Variants in DNAH11 observed in about 807,000 individuals in gnomAD.
DNAH11 encodes axonemal beta dynein heavy chain 11.
In DNAH11, 442 loss-of-function variants were observed where a neutral mutation model predicts 526.0. The ratio of observed to expected loss-of-function variants is 0.84; its 90% CI spans 0.78 to 0.91. The LOEUF is 0.91. DNAH11 is among the 40% of genes least tolerant of loss of function. DNAH11 has a pLI of 0.00. For synonymous variants in DNAH11, 2,461 were observed against 1,935.9 expected, an observed-to-expected ratio of 1.27 and a Z score of -7.12; for missense variants, 6,989 against 5,448.7, an observed-to-expected ratio of 1.28 and a Z score of -8.90.
chr7:21,704,676 G>T, intron 38 of DNAH11, 48 bp downstream of exon 38: 1 of 1,566,232 alleles, frequency 6.4e-7, no homozygotes, highest in East Asian at 2.3e-5. Flanking sequence ...ATTGTCAGTG[G>T]AAATAATTGT....
At chr7:21,892,714 C>G (rs368988510) in intron 77 of DNAH11, 47 bp downstream of exon 77, 13 of 1,519,992 alleles carry the variant, frequency 8.6e-6, no homozygotes, top group Middle Eastern at 3.7e-4. Context: ...GTATAACTTA[C>G]TTGTACTGAA....
intron 8 of DNAH11, among the ~76,000 whole-genome samples, chr7:21,575,161 G>A (rs1784041918): frequency 6.6e-6 from 1 of 152,138 alleles, no homozygotes; most frequent in Non-Finnish European, 1.5e-5. Context: ...ACAGGCATGA[G>A]CCACCATGCC....
rs72658836 is a variant in DNAH11, at chr7:21,901,101, C to T, written c.13398C>T (p.Pro4466=). ...CGGTCATCTTTGCAAAAGCCACCCC[C>T]GTGGACAGACAAGAAACCAAACAGA... ...PMPVIFAKAT[P]VDRQETKQTY... is the part of the protein sequence containing the mutation. Residue 4466 remains proline (P), a synonymous_variant, in exon 82 of 82, where the codon CCC becomes CCT. Transcript: ENST00000409508. The T allele has an allele frequency of 1.4e-4, 231 of 1,613,612 alleles. No homozygotes were observed. The Middle Eastern group carries it at 2.3e-3, about 16-fold the overall frequency.
intron 62 of DNAH11, among the ~76,000 whole-genome samples, chr7:21,804,457 T>G (rs535371639): frequency 2.0e-5 from 3 of 152,154 alleles, no homozygotes; most frequent in Admixed American, 2.0e-4. Context: ...TTTAACTAAT[T>G]CACCACAAGT....
intron 65 of DNAH11, among the ~76,000 whole-genome samples, chr7:21,829,442 G>A (rs1184685218): frequency 1.3e-5 from 2 of 152,088 alleles, no homozygotes; most frequent in Admixed American, 1.3e-4. Flanking sequence ...CAAACAGCAG[G>A]TTTTGCAAAT....
At chr7:21,789,419 A>ATGGTGCTGTCTGAGG in intron 61 of DNAH11, 77 bp downstream of exon 61, 2 of 902,424 alleles carry the variant, frequency 2.2e-6, no homozygotes, top group Non-Finnish European at 3.4e-6. Context: ...ACCCTCAGAC[A>ATGGTGCTGTCTGAGG]GCACCATATC....
rs531627617 is a variant in DNAH11, at chr7:21,835,641, A to T, written c.10692-6903A>T. Among the ~76,000 whole-genome samples, 46 of 152,320 alleles carry T rather than the reference A, an allele frequency of 3.0e-4. No homozygotes were observed. In the South Asian group the frequency reaches 4.3e-3, roughly 14 times the overall value. ...AAACAATAAAGGCCATATATGACAAACCCACAGCTAACATATTAAACAGGG... is the reference window on the plus strand; with the variant it reads ...AAACAATAAAGGCCATATATGACAATCCCACAGCTAACATATTAAACAGGG... On this transcript the variant is annotated intron_variant, in intron 65 of 81. Coordinates refer to ENST00000409508, the MANE Select transcript of DNAH11 (RefSeq NM_001277115.2).
chr7:21,894,279 A>G (rs1195250639), intron 77 of DNAH11, among the ~76,000 whole-genome samples: 1 of 152,240 alleles, frequency 6.6e-6, no homozygotes, highest in Admixed American at 6.5e-5. Flanking sequence ...TCCTCTGATC[A>G]TATCTTTACA....
At chr7:21,709,152 A>G (rs1784373566) in intron 40 of DNAH11, among the ~76,000 whole-genome samples, 1 of 152,200 alleles carries the variant, frequency 6.6e-6, no homozygotes, top group African/African-American at 2.4e-5. Context: ...CACTATTCAC[A>G]ATAGCAAAGA....
At chr7:21,824,578 T>A (rs1412078825) in intron 65 of DNAH11, among the ~76,000 whole-genome samples, 1 of 152,172 alleles carries the variant, frequency 6.6e-6, no homozygotes, top group Non-Finnish European at 1.5e-5. Context: ...TCCAAAGAAC[T>A]ACAAATAGTC....
intron 31 of DNAH11, among the ~76,000 whole-genome samples, chr7:21,682,335 G>C (rs1280011323): frequency 6.6e-6 from 1 of 151,936 alleles, no homozygotes; most frequent in East Asian, 1.9e-4. Context: ...GACCATCCTG[G>C]CTAACATGGT....
At position 21,610,710 on chromosome 7, in the gene DNAH11, G is replaced by GA. The variant is rs143156710; in HGVS notation, c.3852+3987dup. Among the ~76,000 whole-genome samples the GA allele has an allele frequency of 7.8e-3, 1,152 of 148,178 alleles. 1 individual carries two copies. Among genetic ancestry groups the GA allele is most frequent in the Non-Finnish European group, 9.1e-3 (607 of 66,898 alleles). ...TTACAGAAATGAAAAATACAGTTGT[G>GA]AAAAAAAAAATACAACTCAGCAGAT... On this transcript the variant is annotated intron_variant, in intron 20 of 81. Coordinates refer to ENST00000409508, the MANE Select transcript of DNAH11 (RefSeq NM_001277115.2).
intron 30 of DNAH11, 140 bp from the exon 31 acceptor site, chr7:21,681,406 G>T (rs759550443): frequency 8.4e-6 from 7 of 831,830 alleles, no homozygotes; most frequent in African/African-American, 1.8e-5. Context: ...CAGCCTGGGT[G>T]ACAGAGTGAG....
At position 21,622,887 on chromosome 7, in the gene DNAH11, C is replaced by T. The variant is rs564945836; in HGVS notation, c.4500+2809C>T. Among the ~76,000 whole-genome samples the T allele has an allele frequency of 8.2e-3, 1,241 of 152,202 alleles. 14 individuals carry two copies. Among genetic ancestry groups the T allele is most frequent in the African/African-American group, 0.028 (1,146 of 41,532 alleles). ...ACCCTAGAAGAAAACCTAGGCATTACCATTCAGGACATAGGCATGGGCAAG... is the reference window on the plus strand; with the variant it reads ...ACCCTAGAAGAAAACCTAGGCATTATCATTCAGGACATAGGCATGGGCAAG... On this transcript the variant is annotated intron_variant, in intron 25 of 81. Coordinates refer to ENST00000409508, the MANE Select transcript of DNAH11 (RefSeq NM_001277115.2).
intron 5 of DNAH11, among the ~76,000 whole-genome samples, chr7:21,563,568 A>C (rs1783548598): frequency 6.6e-6 from 1 of 152,196 alleles, no homozygotes; most frequent in Non-Finnish European, 1.5e-5. Context: ...ACATAACATA[A>C]AATTAACAAT....
At chr7:21,761,905 TA>T (rs1226133383) in intron 54 of DNAH11, among the ~76,000 whole-genome samples, 2 of 152,168 alleles carry the variant, frequency 1.3e-5, no homozygotes, top group African/African-American at 4.8e-5. Flanking sequence ...CGAGACTGGA[TA>T]ATTTATAAAG....
At chr7:21,780,381 A>G (rs1476149684) in intron 57 of DNAH11, among the ~76,000 whole-genome samples, 3 of 152,172 alleles carry the variant, frequency 2.0e-5, no homozygotes, top group Admixed American at 1.3e-4. Flanking sequence ...CCCATTCTCC[A>G]TAAAAGAGGG....
At position 21,899,995 on chromosome 7, in the gene DNAH11, T is replaced by C. The variant is rs758539213; in HGVS notation, c.13178T>C (p.Met4393Thr). 2.5e-6 allele frequency: 4 copies of C among 1,613,898 alleles called. No individual in the cohort carries two copies. The highest frequency in any genetic ancestry group is 2.2e-5 in the South Asian group (2 of 91,080). ...ATTTCCAAAGCAATCATGCAGACGA[T>C]GGCTCGAAAAAATGAGTGGCCCCTG... The part of the protein sequence containing the change: ...QSFLTAIMQT[M>T]ARKNEWPLDK... The change falls in exon 81 of 82, where the codon ATG becomes ACG. Residue 4393 changes from methionine to threonine, a missense_variant. Physicochemically the swap from Met to Thr is moderately conservative, Grantham distance 81 (BLOSUM62 -1). Transcript: ENST00000409508.
chr7:21,586,948 A>G (rs1402087733), intron 9 of DNAH11, among the ~76,000 whole-genome samples: 1 of 152,220 alleles, frequency 6.6e-6, no homozygotes, highest in Non-Finnish European at 1.5e-5. Context: ...CAGCTCCGCC[A>G]CTAGCTGTTA....
Sources: allele counts gnomAD v4.1 joint callset (sites outside exome capture counted in the v4.1 genomes callset), GRCh38; gene constraint gnomAD v4.1.1; transcripts MANE v1.5; gene names NCBI Gene and HGNC (gene_info 2026-07-23, HGNC 2026-07-21).